SORCS1: variants seen among roughly 807,000 people sequenced by gnomAD.
The protein encoded by SORCS1 is sortilin related VPS10 domain containing receptor 1.
Under a neutral mutation model 146.1 loss-of-function variants are expected in SORCS1, and 60 were observed. That is an observed-to-expected ratio of 0.41 (90% CI 0.33 to 0.51). The LOEUF (loss-of-function observed/expected upper bound fraction) is 0.51. SORCS1 is among the 20% of genes least tolerant of loss of function. The probability of loss-of-function intolerance (pLI) is 0.21; values close to 1 mark genes in which losing one functional copy is unlikely to be tolerated. For synonymous variants in SORCS1, 637 were observed against 584.0 expected (o/e 1.09, Z -1.31); for missense variants, 1,352 against 1,487.6 (o/e 0.91, Z 1.50).
chr10:106,924,482 T>C (rs999265537), intron 2 of SORCS1, among the ~76,000 whole-genome samples: 4 of 150,478 alleles, frequency 2.7e-5, no homozygotes, highest in African/African-American at 1.0e-4. Flanking sequence ...TCTATCTATC[T>C]ATCTATCTAT....
At chr10:107,123,938 T>C (rs1206452811) in intron 1 of SORCS1, among the ~76,000 whole-genome samples, 1 of 142,248 alleles carries the variant, frequency 7.0e-6, no homozygotes, top group Non-Finnish European at 1.5e-5. Context: ...AAAAAAAAAA[T>C]GAGCTGGGCG....
At chr10:106,591,320 T>C (rs777202114) in intron 24 of SORCS1, among the ~76,000 whole-genome samples, 4 of 151,960 alleles carry the variant, frequency 2.6e-5, no homozygotes, top group Non-Finnish European at 4.4e-5. Context: ...AATGTGTATA[T>C]AAACAATTAC....
intron 1 of SORCS1, among the ~76,000 whole-genome samples, chr10:107,067,343 T>C (rs1229454265): frequency 6.6e-6 from 1 of 151,986 alleles, no homozygotes; most frequent in Non-Finnish European, 1.5e-5. Context: ...TTGCAGACAC[T>C]TATCTGGGTA....
chr10:106,637,220 A>T (rs1411557298), intron 18 of SORCS1, among the ~76,000 whole-genome samples: 1 of 152,222 alleles, frequency 6.6e-6, no homozygotes, highest in Non-Finnish European at 1.5e-5. Context: ...GCAGCTGCAC[A>T]TGCCCTATCT....
chr10:106,787,202 C>T (rs1946097440), intron 3 of SORCS1, among the ~76,000 whole-genome samples: 1 of 152,066 alleles, frequency 6.6e-6, no homozygotes, highest in Admixed American at 6.6e-5. Context: ...GCAAAGTAGT[C>T]CTTGCTCTTC....
chr10:107,157,956 A>G (rs879485495), intron 1 of SORCS1, among the ~76,000 whole-genome samples: 3 of 152,226 alleles, frequency 2.0e-5, no homozygotes, highest in Non-Finnish European at 4.4e-5. Flanking sequence ...AAAATAAGGG[A>G]CAGTAATTAA....
intron 4 of SORCS1, among the ~76,000 whole-genome samples, chr10:106,769,759 G>T (rs1166836275): frequency 1.3e-5 from 2 of 152,162 alleles, no homozygotes; most frequent in Non-Finnish European, 2.9e-5. Context: ...GATTTTAACT[G>T]AAAGTCAGCC....
At chr10:106,847,728 A>G (rs1318096291) in intron 2 of SORCS1, among the ~76,000 whole-genome samples, 1 of 105,236 alleles carries the variant, frequency 9.5e-6, no homozygotes, top group African/African-American at 3.2e-5. Context: ...ATTTAGTGCT[A>G]TAAATTTCCC....
chr10:106,853,641 A>C (rs1255801077), intron 2 of SORCS1, among the ~76,000 whole-genome samples: 1 of 151,778 alleles, frequency 6.6e-6, no homozygotes, highest in Non-Finnish European at 1.5e-5. Flanking sequence ...GCATCCTACA[A>C]ACTTTAATTA....
At chr10:106,842,601 C>A (rs1228190838) in intron 2 of SORCS1, among the ~76,000 whole-genome samples, 1 of 151,818 alleles carries the variant, frequency 6.6e-6, no homozygotes, top group Non-Finnish European at 1.5e-5. Flanking sequence ...ATATAAATTT[C>A]TTAATGTTGA....
rs139402006 is a variant in SORCS1 at position 106,638,440 on chromosome 10, T to C, written c.2476-9052A>G. The stretch of plus-strand genomic sequence containing the variant: ...TTCATTGGGAAAATACAGAAATACA[T>C]AAAATAATGACAAAGAAAATTAAAA... On this transcript the variant is annotated intron_variant, in intron 18 of 25. Transcript: ENST00000263054. 1.7e-3 allele frequency among the ~76,000 whole-genome samples: 251 copies of C among 151,936 alleles called. 3 individuals carry two copies. In the East Asian group the frequency reaches 0.04, roughly 24 times the overall value.
chr10:106,757,526 T>C (rs762052684), intron 5 of SORCS1, among the ~76,000 whole-genome samples: 10 of 152,236 alleles, frequency 6.6e-5, no homozygotes, highest in Non-Finnish European at 1.5e-4. Flanking sequence ...TTAAGGTAGT[T>C]GCTCAGAGTT....
At chr10:106,673,027 A>T in intron 14 of SORCS1, 42 bp from the exon 15 acceptor site, 3 of 1,464,028 alleles carry the variant, frequency 2.0e-6, no homozygotes, top group Non-Finnish European at 1.9e-6. Context: ...AATGATAACA[A>T]TGTAATGAGT....
intron 2 of SORCS1, among the ~76,000 whole-genome samples, chr10:106,857,987 G>A (rs1369798096): frequency 1.3e-5 from 2 of 152,148 alleles, no homozygotes; most frequent in African/African-American, 4.8e-5. Context: ...ATGTGCTGCC[G>A]AGACATTATG....
At chr10:107,089,077 G>A (rs1489786931) in intron 1 of SORCS1, among the ~76,000 whole-genome samples, 2 of 152,136 alleles carry the variant, frequency 1.3e-5, no homozygotes, top group Non-Finnish European at 2.9e-5. Flanking sequence ...AGGCTGGATC[G>A]ATCAACTGCT....
chr10:106,948,579 C>T (rs1052952335), intron 2 of SORCS1, among the ~76,000 whole-genome samples: 2 of 151,606 alleles, frequency 1.3e-5, no homozygotes, highest in African/African-American at 4.9e-5. Context: ...GAGGCTGAGG[C>T]TGGAGGACTG....
intron 1 of SORCS1, among the ~76,000 whole-genome samples, chr10:107,087,891 T>C (rs1963877839): frequency 6.6e-6 from 1 of 152,226 alleles, no homozygotes; most frequent in Admixed American, 6.5e-5. Flanking sequence ...GTTGGGTAAT[T>C]TGCCTAACCA....
chr10:106,800,291 CATTTTGAAAAATAAAAAAGT>C (rs1946800046), intron 3 of SORCS1, among the ~76,000 whole-genome samples: 1 of 152,112 alleles, frequency 6.6e-6, no homozygotes, highest in South Asian at 2.1e-4. Context: ...GTCCATGAAT[CATTTTGAAAAATAAAAAAGT>C]ATATGCTAAG....
chr10:107,018,909 A>G (rs1958010871), intron 1 of SORCS1, among the ~76,000 whole-genome samples: 1 of 152,264 alleles, frequency 6.6e-6, no homozygotes, highest in Non-Finnish European at 1.5e-5. Context: ...GGCTTTTAAC[A>G]GTACCGTTTG....
Sources: gnomAD v4.1 joint callset for allele counts (sites outside exome capture counted in the v4.1 genomes callset) on GRCh38, gnomAD v4.1.1 for gene constraint, MANE v1.5 for transcripts, NCBI Gene and HGNC (gene_info 2026-07-23, HGNC 2026-07-21) for gene names.